The following ZMYND12 variants were observed in gnomAD, a reference collection of about 807,000 sequenced individuals.
ZMYND12 encodes zinc finger MYND domain-containing protein 12.
ZMYND12 carries 32 observed loss-of-function variants against 41.7 expected under a neutral mutation model. That is an observed-to-expected ratio of 0.77 (90% CI 0.58 to 1.03). ZMYND12 has a LOEUF of 1.03. Among genes scored for constraint, ZMYND12 ranks in the 50% least tolerant of loss-of-function variants. The probability of loss-of-function intolerance (pLI) is 0.00; values close to 1 mark genes in which losing one functional copy is unlikely to be tolerated. For missense variants in ZMYND12, 424 were observed against 438.5 expected (o/e 0.97, Z 0.30); for synonymous variants, 148 against 164.8 (o/e 0.90, Z 0.78).
chr1:42,453,072 A>G (rs930855614), intron 1 of ZMYND12, among the ~76,000 whole-genome samples: 2 of 152,212 alleles, frequency 1.3e-5, no homozygotes, highest in Admixed American at 1.3e-4. Context: ...GTGTGCCAAC[A>G]TGGTTCCAGG....
At chr1:42,439,267 C>G (rs1387633150) in intron 4 of ZMYND12, among the ~76,000 whole-genome samples, 1 of 133,410 alleles carries the variant, frequency 7.5e-6, no homozygotes, top group African/African-American at 2.9e-5. Flanking sequence ...CCTTCTCTCT[C>G]TCTCTTTTTT....
chr1:42,433,319 G>C (rs1642874857), intron 6 of ZMYND12, 31 bp from the exon 7 acceptor site: 1 of 1,583,360 alleles, frequency 6.3e-7, no homozygotes, highest in Admixed American at 1.9e-5. Context: ...AGAAAAAACA[G>C]GCTCTTGGCA....
At position 42,449,969 on chromosome 1, in the gene ZMYND12, G is replaced by GT; in HGVS notation, c.200dup (p.Tyr67Ter). Residue 67 changes from tyrosine (Y) to a stop codon, truncating the protein, a stop_gained and frameshift_variant, in exon 2 of 8, where the codon TAC (tyrosine) becomes TAAC (stop). Coordinates refer to ENST00000372565, the MANE Select transcript of ZMYND12 (RefSeq NM_032257.5). LOFTEE classifies it high-confidence loss of function. ...CATGCTGCCGTTCTTCCTCTGAATT[G>GT]TAGAAGGGCATGGAAGTGCGCAGTG... Reference protein sequence around the residue: ...LIPLRTSMPFYNSEEERQHGL... With the variant: ...LIPLRTSMPF 6.2e-7 allele frequency: 1 copy of GT among 1,613,738 alleles called. No homozygotes were observed. Among genetic ancestry groups the GT allele is most frequent in the East Asian group, 2.2e-5 (1 of 44,884 alleles).
intron 7 of ZMYND12, 153 bp downstream of exon 7, chr1:42,432,990 C>G: frequency 6.6e-6 from 6 of 903,532 alleles, no homozygotes; most frequent in Non-Finnish European, 1.0e-5. Context: ...AGACTCAACA[C>G]AGGAGAAACA....
chr1:42,435,144 T>A (rs866444889), intron 6 of ZMYND12, 130 bp downstream of exon 6: 7 of 704,060 alleles, frequency 9.9e-6, no homozygotes, highest in South Asian at 7.0e-5. Context: ...GTTTTCTCCA[T>A]CAGCAACATG....
In ZMYND12 at chr1:42,449,907, G is replaced by C; in HGVS notation, c.252+11C>G. 5 of 1,609,086 alleles carry C rather than the reference G, an allele frequency of 3.1e-6. No individual in the cohort carries two copies. Among genetic ancestry groups the C allele is most frequent in the Non-Finnish European group, 4.2e-6 (5 of 1,179,950 alleles). On this transcript the variant is annotated intron_variant, in intron 2 of 7. Transcript: ENST00000372565. ...CTACGACTTAACCTTGGAAAGTGCCGTAGGCCCTACCTGCCGCTGCTGCAG... is the reference window on the plus strand; with the variant it reads ...CTACGACTTAACCTTGGAAAGTGCCCTAGGCCCTACCTGCCGCTGCTGCAG...
chr1:42,445,646 CG>C (rs1348597438), intron 3 of ZMYND12, among the ~76,000 whole-genome samples: 1 of 151,722 alleles, frequency 6.6e-6, no homozygotes, highest in Non-Finnish European at 1.5e-5. Context: ...GAAGGCCGGT[CG>C]GTGTAACTGG....
At chr1:42,440,733 G>A (rs575535841) in intron 3 of ZMYND12, among the ~76,000 whole-genome samples, 6 of 152,040 alleles carry the variant, frequency 3.9e-5, no homozygotes, top group East Asian at 1.9e-4. Flanking sequence ...GTAGTGGCGC[G>A]ATCTCGGCTC....
intron 3 of ZMYND12, 131 bp from the exon 4 acceptor site, chr1:42,440,156 A>G: frequency 1.0e-6 from 1 of 977,104 alleles, no homozygotes; most frequent in East Asian, 2.9e-5. Flanking sequence ...AAACTCATAC[A>G]GGAATGTTCA....
chr1:42,439,269 CTCTT>C (rs913082568), intron 4 of ZMYND12, among the ~76,000 whole-genome samples: 1 of 132,818 alleles, frequency 7.5e-6, no homozygotes, highest in African/African-American at 2.9e-5. Flanking sequence ...TTCTCTCTCT[CTCTT>C]TTTTTTTTTT....
chr1:42,443,783 GTC>G (rs1642993771), intron 3 of ZMYND12, among the ~76,000 whole-genome samples: 1 of 152,102 alleles, frequency 6.6e-6, no homozygotes, highest in Admixed American at 6.5e-5. Context: ...AATTGATTGA[GTC>G]TCTATCACAA....
rs1642908693 is a variant in ZMYND12 at position 42,436,454 on chromosome 1, T to C, written c.684A>G (p.Lys228=). The change falls in exon 5 of 8, where the codon AAA becomes AAG. Residue 228 remains lysine, a synonymous_variant. Coordinates refer to ENST00000372565, the MANE Select transcript of ZMYND12 (RefSeq NM_032257.5). The part of the protein sequence containing the change: ...FHLANIFYDL[K]KLDLADTLYT... ...ACAATGTGTCTGCCAGGTCCAACTT[T>C]TTAAGGTCATAGAATATATTAGCCA... 1.2e-6 allele frequency: 2 copies of C among 1,613,540 alleles called. No individual in the cohort carries two copies. Among genetic ancestry groups the C allele is most frequent in the Admixed American group, 3.3e-5 (2 of 60,008 alleles).
intron 3 of ZMYND12, among the ~76,000 whole-genome samples, chr1:42,444,284 G>A (rs1488732991): frequency 2.0e-5 from 3 of 152,116 alleles, no homozygotes; most frequent in Admixed American, 2.0e-4. Flanking sequence ...TGGTGCCTAC[G>A]ATCACCCAGA....
intron 1 of ZMYND12, among the ~76,000 whole-genome samples, chr1:42,453,984 T>C (rs1381847222): frequency 6.6e-6 from 1 of 152,128 alleles, no homozygotes; most frequent in Non-Finnish European, 1.5e-5. Context: ...AAAATGGTAC[T>C]GTGAGAGAGA....
intron 3 of ZMYND12, among the ~76,000 whole-genome samples, chr1:42,441,136 T>C (rs1038992455): frequency 6.6e-6 from 1 of 152,108 alleles, no homozygotes; most frequent in Non-Finnish European, 1.5e-5. Flanking sequence ...ATAATTGCAA[T>C]AGCAACACAA....
chr1:42,440,168 A>G (rs1642953943), intron 3 of ZMYND12, 143 bp from the exon 4 acceptor site: 1 of 834,044 alleles, frequency 1.2e-6, no homozygotes, highest in Admixed American at 3.8e-5. Context: ...GAATGTTCAC[A>G]GCAGCCTATT....
chr1:42,436,284 A>G, intron 5 of ZMYND12, 137 bp downstream of exon 5: 1 of 1,206,924 alleles, frequency 8.3e-7, no homozygotes. Context: ...ATCAGGCTAT[A>G]TAGTCTTGGG....
At chr1:42,441,863 G>A (rs377322877) in intron 3 of ZMYND12, among the ~76,000 whole-genome samples, 2 of 152,114 alleles carry the variant, frequency 1.3e-5, no homozygotes, top group African/African-American at 4.8e-5. Context: ...CTTGTGATCC[G>A]CCCGCCTCGG....
At chr1:42,450,534 C>T (rs1328566084) in intron 1 of ZMYND12, among the ~76,000 whole-genome samples, 8 of 152,148 alleles carry the variant, frequency 5.3e-5, no homozygotes, top group Admixed American at 5.2e-4. Flanking sequence ...TGTTTTATCT[C>T]TGCTATAATC....
Sources: gnomAD v4.1 joint callset for allele counts (sites outside exome capture counted in the v4.1 genomes callset) on GRCh38, gnomAD v4.1.1 for gene constraint, MANE v1.5 for transcripts, NCBI Gene and HGNC (gene_info 2026-07-23, HGNC 2026-07-21) for gene names.